The following HLCS variants were observed in gnomAD, a reference collection of about 807,000 sequenced individuals.
HLCS encodes the protein biotin--protein ligase.
HLCS carries 53 observed loss-of-function variants against 75.0 expected under a neutral mutation model. The observed-to-expected ratio is 0.71, with a 90% confidence interval of 0.57 to 0.89. The LOEUF (loss-of-function observed/expected upper bound fraction) is 0.89. HLCS is among the 40% of genes least tolerant of loss of function. The pLI is 0.00. For synonymous variants in HLCS, 431 were observed against 428.6 expected (o/e 1.01, Z -0.07); for missense variants, 966 against 1,074.0 (o/e 0.90, Z 1.41).
intron 6 of HLCS, among the ~76,000 whole-genome samples, chr21:36,845,739 T>C (rs1228190091): frequency 6.6e-6 from 1 of 152,132 alleles, no homozygotes; most frequent in Non-Finnish European, 1.5e-5. Flanking sequence ...GCACGTGTAA[T>C]CGTTACTTGT....
At chr21:36,848,396 A>G (rs1233135301) in intron 6 of HLCS, among the ~76,000 whole-genome samples, 1 of 151,352 alleles carries the variant, frequency 6.6e-6, no homozygotes, top group Non-Finnish European at 1.5e-5. Context: ...CAGCCTCCGG[A>G]GTAGCTGGGA....
At chr21:36,831,823 T>A (rs900842709) in intron 6 of HLCS, among the ~76,000 whole-genome samples, 47 of 152,324 alleles carry the variant, frequency 3.1e-4, no homozygotes, top group Middle Eastern at 3.4e-3. Context: ...AAAATTTTTT[T>A]TAAATACAAT....
chr21:36,888,223 C>T (rs2064554330), intron 6 of HLCS, among the ~76,000 whole-genome samples: 2 of 151,492 alleles, frequency 1.3e-5, no homozygotes, highest in African/African-American at 2.4e-5. Context: ...TCTCGGGCCT[C>T]GACTTCAGGG....
intron 5 of HLCS, among the ~76,000 whole-genome samples, chr21:36,919,419 G>A (rs1485408767): frequency 2.6e-5 from 4 of 152,188 alleles, no homozygotes; most frequent in Non-Finnish European, 4.4e-5. Flanking sequence ...AGCAATGTCC[G>A]AGATATGGTT....
chr21:36,867,509 G>A (rs2063598791), intron 6 of HLCS, among the ~76,000 whole-genome samples: 2 of 152,174 alleles, frequency 1.3e-5, no homozygotes, highest in Admixed American at 1.3e-4. Flanking sequence ...GGCAGGCTAG[G>A]ACCAGGTTCT....
At chr21:36,852,508 T>C (rs1373520369) in intron 6 of HLCS, among the ~76,000 whole-genome samples, 1 of 152,212 alleles carries the variant, frequency 6.6e-6, no homozygotes, top group African/African-American at 2.4e-5. Flanking sequence ...CAGGTCCTGC[T>C]GCTTGGTGCC....
intron 6 of HLCS, among the ~76,000 whole-genome samples, chr21:36,878,995 T>TA (rs34491680): frequency 1 from 152,302 of 152,302 alleles, 76,151 homozygotes; most frequent in Non-Finnish European, 1. Flanking sequence ...ACCATGATGA[T>TA]ACTATCTCAC....
intron 6 of HLCS, among the ~76,000 whole-genome samples, chr21:36,846,391 T>C (rs954279739): frequency 6.6e-6 from 1 of 152,216 alleles, no homozygotes; most frequent in African/African-American, 2.4e-5. Context: ...TCCTGAGACC[T>C]TTGGGACCTC....
rs2066907131 is a variant in HLCS, at chr21:36,936,801, A to G, written c.1085T>C (p.Leu362Pro). 6.2e-7 allele frequency: 1 copy of G among 1,614,112 alleles called. No homozygotes were observed. Among genetic ancestry groups the G allele is most frequent in the Non-Finnish European group, 8.5e-7 (1 of 1,180,056 alleles). ...ALRDPWTDNCLLLVIATRESI... is the reference protein window; with the variant it reads ...ALRDPWTDNCPLLVIATRESI... Reference sequence around the variant, plus strand: ...CTCCCTGGTAGCAATGACCAACAGCAGACAGTTGTCCGTCCACGGGTCTCT... The same window carrying G: ...CTCCCTGGTAGCAATGACCAACAGCGGACAGTTGTCCGTCCACGGGTCTCT... Residue 362 changes from leucine to proline, a missense_variant, in exon 4 of 11, where the codon CTG (leucine) becomes CCG (proline). By Grantham distance (98) the Leu-to-Pro change is moderately conservative. Coordinates refer to ENST00000674895, the MANE Select transcript of HLCS (RefSeq NM_001352514.2).
At chr21:36,856,811 CA>C (rs2063211225) in intron 6 of HLCS, among the ~76,000 whole-genome samples, 1 of 152,180 alleles carries the variant, frequency 6.6e-6, no homozygotes, top group Non-Finnish European at 1.5e-5. Flanking sequence ...GTGCATGAAA[CA>C]GCTAATGTAT....
Position 36,772,910 on chromosome 21 carries a change from G to A in HLCS, c.1893-5625C>T, listed in dbSNP as rs1325344803. Among the ~76,000 whole-genome samples, 6 of 151,078 alleles carry A rather than the reference G, an allele frequency of 4.0e-5. No homozygotes were observed. The East Asian group carries it at 1.2e-3, about 29-fold the overall frequency. On this transcript the variant is annotated intron_variant, in intron 6 of 10. Transcript: ENST00000674895. ...GCAGGAAAATGGCTTGAACCTGGGAGGCAGAGGTTGCAGTGAGCCAAGATT... is the reference window on the plus strand; with the variant it reads ...GCAGGAAAATGGCTTGAACCTGGGAAGCAGAGGTTGCAGTGAGCCAAGATT...
At position 36,749,616 on chromosome 21, in the gene HLCS, T is replaced by C. The variant is rs1454061262; in HGVS notation, c.*4630A>G. On this transcript the variant is annotated 3_prime_UTR_variant, in exon 11 of 11. Coordinates refer to ENST00000674895, the MANE Select transcript of HLCS (RefSeq NM_001352514.2). ...TGGTAGGAAGGGATGTGCCCGCCTC[T>C]CCACGCACTCAGCTATACCTCATTC... The C allele has an allele frequency of 6.6e-6, 1 of 152,206 alleles. No homozygotes were observed. Among genetic ancestry groups the C allele is most frequent in the East Asian group, 1.9e-4 (1 of 5,204 alleles). 9.4% of individuals were successfully genotyped at this position (152,206 alleles called of 1,614,324 possible). A position where few individuals can be genotyped will look rare whatever the true frequency, so the allele number is the denominator to read the frequency against.
At chr21:36,962,222 C>T (rs2146668042) in intron 1 of HLCS, 52 bp from the exon 2 acceptor site, 1 of 1,224,500 alleles carries the variant, frequency 8.2e-7, no homozygotes, top group Admixed American at 2.5e-5. Flanking sequence ...ACCACAACTG[C>T]CATAAATTTC....
chr21:36,770,819 T>A (rs1468158568), intron 6 of HLCS, among the ~76,000 whole-genome samples: 1 of 149,986 alleles, frequency 6.7e-6, no homozygotes, highest in Non-Finnish European at 1.5e-5. Flanking sequence ...TATTTTGAAT[T>A]TTTTTTGGAA....
chr21:36,948,757 C>T (rs1224938445), intron 2 of HLCS, among the ~76,000 whole-genome samples: 1 of 76,242 alleles, frequency 1.3e-5, no homozygotes, highest in Admixed American at 1.4e-4. Flanking sequence ...AAAAAAAAGA[C>T]AATATACCCT....
At chr21:36,895,484 C>A (rs2146329530) in intron 6 of HLCS, among the ~76,000 whole-genome samples, 2 of 152,222 alleles carry the variant, frequency 1.3e-5, no homozygotes, top group South Asian at 4.1e-4. Flanking sequence ...CACAAATTAA[C>A]TCAGTACACA....
intron 6 of HLCS, among the ~76,000 whole-genome samples, chr21:36,815,574 C>T (rs528182964): frequency 6.6e-6 from 1 of 152,284 alleles, no homozygotes; most frequent in East Asian, 1.9e-4. Context: ...ACACAAATGC[C>T]TTGTCACATT....
rs554403008 is a variant in HLCS at position 36,858,750 on chromosome 21, G to A, written c.1892+38110C>T. Among the ~76,000 whole-genome samples, 146 of 152,352 alleles carry A rather than the reference G, an allele frequency of 9.6e-4. 3 individuals are homozygous for A. The highest frequency in any genetic ancestry group is 5.6e-4 in the Non-Finnish European group (38 of 68,030). ...CTGCCATGAGGACCTCTGGGCATCT[G>A]CAGGAGACAGGGAGCAGGCCATGCA... is the stretch of plus-strand genomic sequence containing the variant. On this transcript the variant is annotated intron_variant, in intron 6 of 10. Coordinates refer to ENST00000674895, the MANE Select transcript of HLCS (RefSeq NM_001352514.2).
chr21:36,757,387 G>A (rs886813984), intron 9 of HLCS, among the ~76,000 whole-genome samples: 1 of 152,136 alleles, frequency 6.6e-6, no homozygotes, highest in African/African-American at 2.4e-5. Flanking sequence ...AGTTACCAGG[G>A]ATGGTGTCTG....
Sources: allele counts gnomAD v4.1 joint callset (sites outside exome capture counted in the v4.1 genomes callset), GRCh38; gene constraint gnomAD v4.1.1; transcripts MANE v1.5; gene names NCBI Gene and HGNC (gene_info 2026-07-23, HGNC 2026-07-21).